The following NEK7 variants were observed in gnomAD, a reference collection of about 807,000 sequenced individuals.
NEK7 encodes NIMA related kinase 7, also known as serine/threonine-protein kinase Nek7.
NEK7 carries 18 observed loss-of-function variants against 44.6 expected under a neutral mutation model. The observed-to-expected ratio is 0.40, with a 90% CI of 0.28 to 0.60. The LOEUF (loss-of-function observed/expected upper bound fraction) is 0.60. NEK7 is among the 20% of genes least tolerant of loss of function. The probability of loss-of-function intolerance (pLI) is 0.38; values close to 1 mark genes in which losing one functional copy is unlikely to be tolerated. For synonymous variants in NEK7, 130 were observed against 121.1 expected (o/e 1.07, Z -0.48); for missense variants, 256 against 366.5 (o/e 0.70, Z 2.46).
chr1:198,256,415 C>T, intron 3 of NEK7: 1 of 1,611,826 alleles, frequency 6.2e-7, no homozygotes, highest in South Asian at 1.1e-5. Context: ...TGAGAGCCTA[C>T]AGTATATGGC....
Position 198,224,059 on chromosome 1 carries a change from CA to C in NEK7, c.-28-8492del, listed in dbSNP as rs1482952896. Among the ~76,000 whole-genome samples the C allele has an allele frequency of 7.2e-5, 11 of 152,082 alleles. No homozygotes were observed. The East Asian group carries it at 2.1e-3, about 29-fold the overall frequency. On this transcript the variant is annotated intron_variant, in intron 1 of 9. Transcript: ENST00000367385. Reference sequence around the variant, plus strand: ...TTTGGTATAGTATGAAAGAAGAATACAATGATATGAAATGGTTATTGAAATA... The same window carrying C: ...TTTGGTATAGTATGAAAGAAGAATACATGATATGAAATGGTTATTGAAATA...
At chr1:198,271,905 T>TTATATATATATATA (rs34354855) in intron 5 of NEK7, among the ~76,000 whole-genome samples, 55 of 141,366 alleles carry the variant, frequency 3.9e-4, no homozygotes, top group African/African-American at 1.3e-3. Context: ...AATTTATATT[T>TTATATATATATATA]TATATATATA....
intron 3 of NEK7, 58 bp from the exon 4 acceptor site, chr1:198,262,517 A>G (rs1390052934): frequency 3.8e-6 from 4 of 1,060,926 alleles, no homozygotes; most frequent in Non-Finnish European, 5.7e-6. Flanking sequence ...ATGAATTTAC[A>G]CAATAGCTTG....
intron 2 of NEK7, among the ~76,000 whole-genome samples, chr1:198,252,445 A>G (rs563319573): frequency 1.3e-5 from 2 of 148,648 alleles, no homozygotes; most frequent in East Asian, 4.0e-4. Flanking sequence ...AGGAGTTCTT[A>G]TCTAAAAGTT....
chr1:198,157,109 C>A lies in NEK7; in HGVS notation c.-196C>A, dbSNP rs751148834. ...CGCAGTGCGCAGGGTGGGTGCCCCG[C>A]GCCTGCAGCGTCCGCCGGGGCGGCG... On this transcript the variant is annotated 5_prime_UTR_variant, in exon 1 of 10. Coordinates refer to ENST00000367385, the MANE Select transcript of NEK7 (RefSeq NM_133494.3). 6.6e-6 allele frequency: 1 copy of A among 151,864 alleles called. No individual in the cohort carries two copies. The highest frequency in any genetic ancestry group is 1.5e-5 in the Non-Finnish European group (1 of 67,964). The allele number at this position is 151,864 out of a possible 1,614,324, so 9.4% of individuals were successfully genotyped here. A position where few individuals can be genotyped will look rare whatever the true frequency, so the allele number is the denominator to read the frequency against.
chr1:198,177,277 C>T (rs1016778177), intron 1 of NEK7, among the ~76,000 whole-genome samples: 23 of 152,162 alleles, frequency 1.5e-4, no homozygotes, highest in African/African-American at 5.1e-4. Flanking sequence ...AATTACTGTT[C>T]TTCAGCCAAG....
intron 8 of NEK7, among the ~76,000 whole-genome samples, chr1:198,293,818 A>C (rs1359449303): frequency 1.3e-5 from 2 of 151,938 alleles, no homozygotes; most frequent in African/African-American, 4.8e-5. Flanking sequence ...AGGTTTTAAT[A>C]AAGTGAGGAA....
intron 1 of NEK7, among the ~76,000 whole-genome samples, chr1:198,157,835 G>C (rs961338321): frequency 6.6e-6 from 1 of 152,208 alleles, no homozygotes; most frequent in Non-Finnish European, 1.5e-5. Context: ...GAACTTGGGA[G>C]AGACTCGGGA....
At chr1:198,300,629 C>A (rs1184145442) in intron 9 of NEK7, among the ~76,000 whole-genome samples, 1 of 152,182 alleles carries the variant, frequency 6.6e-6, no homozygotes, top group African/African-American at 2.4e-5. Context: ...GACTGTCAAG[C>A]TCCTGCCCTT....
At position 198,163,177 on chromosome 1, in the gene NEK7, A is replaced by G. The variant is rs1292232918; in HGVS notation, c.-29+5901A>G. 2.0e-5 allele frequency among the ~76,000 whole-genome samples: 3 copies of G among 152,256 alleles called. No homozygotes were observed. The South Asian group carries it at 6.2e-4, about 32-fold the overall frequency. ...ATTCCTAATCTTGTATTGCCTTTAT[A>G]TCTAACTGCTGGACCATATAGTAAA... On this transcript the variant is annotated intron_variant, in intron 1 of 9. Coordinates refer to ENST00000367385, the MANE Select transcript of NEK7 (RefSeq NM_133494.3).
At chr1:198,228,349 A>G (rs1488563074) in intron 1 of NEK7, among the ~76,000 whole-genome samples, 3 of 152,138 alleles carry the variant, frequency 2.0e-5, no homozygotes. Flanking sequence ...TTGGCAATGC[A>G]GGCTCTTTTT....
chr1:198,266,307 A>G (rs1453867767), intron 5 of NEK7, among the ~76,000 whole-genome samples: 3 of 152,140 alleles, frequency 2.0e-5, no homozygotes, highest in Non-Finnish European at 2.9e-5. Flanking sequence ...ATTTTAAATG[A>G]TAATAGCTAT....
intron 9 of NEK7, among the ~76,000 whole-genome samples, chr1:198,317,888 T>TTTTA (rs1655420989): frequency 6.9e-6 from 1 of 144,296 alleles, no homozygotes; most frequent in Non-Finnish European, 1.5e-5. Flanking sequence ...TTTTTTTTTT[T>TTTTA]TTTTTTTTTT....
chr1:198,249,456 G>T (rs1348294241), intron 2 of NEK7, among the ~76,000 whole-genome samples: 4 of 151,812 alleles, frequency 2.6e-5, no homozygotes, highest in Non-Finnish European at 4.4e-5. Flanking sequence ...GATCCCTGAG[G>T]AATCGCCACA....
intron 5 of NEK7, among the ~76,000 whole-genome samples, chr1:198,266,252 C>G (rs59104905): frequency 0.026 from 3,980 of 152,144 alleles, 172 homozygotes; most frequent in African/African-American, 0.09. Context: ...TTGTCTATTT[C>G]TATTACATAG....
At chr1:198,279,505 CA>C (rs1368598087) in intron 7 of NEK7, among the ~76,000 whole-genome samples, 1 of 151,904 alleles carries the variant, frequency 6.6e-6, no homozygotes, top group Admixed American at 6.6e-5. Flanking sequence ...TAAAGGAGAT[CA>C]TTTTTAAATT....
At chr1:198,307,162 A>C (rs991133831) in intron 9 of NEK7, among the ~76,000 whole-genome samples, 6 of 152,132 alleles carry the variant, frequency 3.9e-5, no homozygotes, top group African/African-American at 1.2e-4. Flanking sequence ...AAACATAGTA[A>C]GCAAATTAGT....
intron 1 of NEK7, among the ~76,000 whole-genome samples, chr1:198,222,824 C>T (rs1357494880): frequency 6.9e-6 from 1 of 144,826 alleles, no homozygotes; most frequent in Admixed American, 7.1e-5. Context: ...AAGACAATTA[C>T]AAATTGTTAT....
chr1:198,183,214 C>G (rs1664817669), intron 1 of NEK7, among the ~76,000 whole-genome samples: 1 of 152,104 alleles, frequency 6.6e-6, no homozygotes, highest in South Asian at 2.1e-4. Flanking sequence ...TAGCCTGAAA[C>G]TTCAGATTTT....
Sources: allele counts gnomAD v4.1 joint callset (sites outside exome capture counted in the v4.1 genomes callset), GRCh38; gene constraint gnomAD v4.1.1; transcripts MANE v1.5; gene names NCBI Gene and HGNC (gene_info 2026-07-23, HGNC 2026-07-21).